The following ANO10 variants were observed in gnomAD, a reference collection of about 807,000 sequenced individuals.
ANO10 encodes the protein anoctamin-10.
In ANO10, 77 loss-of-function variants were observed where a neutral mutation model predicts 74.7. The observed-to-expected ratio is 1.03, with a 90% CI of 0.86 to 1.25. The LOEUF is 1.25. Among genes scored for constraint, ANO10 ranks in the 50% most tolerant of loss-of-function variants. ANO10 has a pLI of 0.00. For synonymous variants in ANO10, 279 were observed against 284.9 expected (o/e 0.98, Z 0.21); for missense variants, 721 against 778.1 (o/e 0.93, Z 0.87).
chr3:43,610,833 G>T (rs925252258), intron 1 of ANO10, among the ~76,000 whole-genome samples: 8 of 152,080 alleles, frequency 5.3e-5, no homozygotes, highest in African/African-American at 1.7e-4. Context: ...TATTTAATGG[G>T]CAATTAATAA....
At chr3:43,470,769 G>A (rs2075825800) in intron 11 of ANO10, among the ~76,000 whole-genome samples, 1 of 151,938 alleles carries the variant, frequency 6.6e-6, no homozygotes, top group Non-Finnish European at 1.5e-5. Context: ...TGAGAGTACA[G>A]CCGCATCTCA....
At chr3:43,398,775 T>C (rs1426370147) in intron 12 of ANO10, among the ~76,000 whole-genome samples, 2 of 152,190 alleles carry the variant, frequency 1.3e-5, no homozygotes, top group East Asian at 3.8e-4. Flanking sequence ...CCCTGAGAAT[T>C]TCCTAATCTC....
At chr3:43,691,436 C>T (rs1426480535) in intron 1 of ANO10, 1 of 162,576 alleles carries the variant, frequency 6.2e-6, no homozygotes. Flanking sequence ...GGTGCCCGGT[C>T]GACCCTGCAC....
At chr3:43,572,145 G>T (rs889881573) in intron 7 of ANO10, among the ~76,000 whole-genome samples, 8 of 152,200 alleles carry the variant, frequency 5.3e-5, no homozygotes, top group Non-Finnish European at 1.2e-4. Flanking sequence ...CACCCAGGTA[G>T]CCCAAGTAGG....
chr3:43,516,274 G>C (rs1177943319), intron 11 of ANO10, among the ~76,000 whole-genome samples: 2 of 152,158 alleles, frequency 1.3e-5, no homozygotes, highest in Non-Finnish European at 2.9e-5. Flanking sequence ...CTGAGGGAAA[G>C]GTGATGCCTG....
At chr3:43,531,602 A>G (rs1466638451) in intron 11 of ANO10, among the ~76,000 whole-genome samples, 1 of 152,202 alleles carries the variant, frequency 6.6e-6, no homozygotes, top group Non-Finnish European at 1.5e-5. Flanking sequence ...TAATTAAAGC[A>G]TAATCATGAG....
intron 1 of ANO10, among the ~76,000 whole-genome samples, chr3:43,677,327 T>G (rs2084136065): frequency 6.6e-6 from 1 of 152,138 alleles, no homozygotes; most frequent in Non-Finnish European, 1.5e-5. Flanking sequence ...GGTGGGCAGA[T>G]CTCCTGAGGT....
chr3:43,676,416 C>T (rs550675424), intron 1 of ANO10, among the ~76,000 whole-genome samples: 10 of 152,176 alleles, frequency 6.6e-5, no homozygotes, highest in Admixed American at 5.2e-4. Flanking sequence ...GCCAGGTTTG[C>T]ACCTGCACTC....
chr3:43,600,315 C>T, intron 3 of ANO10, 69 bp downstream of exon 3: 1 of 1,575,100 alleles, frequency 6.3e-7, no homozygotes, highest in Non-Finnish European at 8.7e-7. Flanking sequence ...TTGCTGATCC[C>T]TGATCTATTC....
At chr3:43,537,937 A>G (rs1463524559) in intron 11 of ANO10, among the ~76,000 whole-genome samples, 1 of 152,188 alleles carries the variant, frequency 6.6e-6, no homozygotes, top group Non-Finnish European at 1.5e-5. Context: ...AAAAGAAACT[A>G]AAGACCCTCT....
At chr3:43,580,960 T>A (rs2081238480) in intron 4 of ANO10, among the ~76,000 whole-genome samples, 1 of 152,190 alleles carries the variant, frequency 6.6e-6, no homozygotes. Context: ...TTCCCTTGTA[T>A]GAAATGCTGT....
At chr3:43,499,548 G>A (rs897229042) in intron 11 of ANO10, among the ~76,000 whole-genome samples, 3 of 151,906 alleles carry the variant, frequency 2.0e-5, no homozygotes. Context: ...GTGCTAGAGA[G>A]GAAGTTCAGA....
intron 1 of ANO10, among the ~76,000 whole-genome samples, chr3:43,633,104 TA>T (rs551575692): frequency 1.3e-5 from 2 of 152,134 alleles, no homozygotes; most frequent in Non-Finnish European, 1.5e-5. Flanking sequence ...TATTTTGAAA[TA>T]AAAAACGTAA....
intron 1 of ANO10, among the ~76,000 whole-genome samples, chr3:43,628,761 T>C (rs1434875608): frequency 6.6e-6 from 1 of 151,992 alleles, no homozygotes; most frequent in Non-Finnish European, 1.5e-5. Flanking sequence ...AGGGGTGAAA[T>C]AGACCCCAGT....
intron 12 of ANO10, among the ~76,000 whole-genome samples, chr3:43,431,217 C>T (rs1320661577): frequency 2.6e-5 from 4 of 151,744 alleles, no homozygotes; most frequent in Non-Finnish European, 5.9e-5. Flanking sequence ...TTACTACAAG[C>T]GTGCACCACC....
rs763751555 is a variant in ANO10, at chr3:43,432,633, G to A, written c.1892C>T (p.Ser631Phe). 4 of 1,613,438 alleles carry A rather than the reference G, an allele frequency of 2.5e-6. No homozygotes were observed. Among genetic ancestry groups the A allele is most frequent in the Admixed American group, 1.7e-5 (1 of 59,992 alleles). Residue 631 changes from serine (S) to phenylalanine (F), a missense_variant, in exon 12 of 13, where the codon TCT becomes TTT. Transcript: ENST00000292246. ...CACCTGCTGCTTGAGTGCCTCCAAAGACTCAAATTCCAGTCTGGCTAGTTT... is the reference window on the plus strand; with the variant it reads ...CACCTGCTGCTTGAGTGCCTCCAAAAACTCAAATTCCAGTCTGGCTAGTTT... ...QMKLARLEFE[S>F]LEALKQQQMK...
chr3:43,467,159 T>C (rs959304351), intron 11 of ANO10, among the ~76,000 whole-genome samples: 7 of 152,212 alleles, frequency 4.6e-5, no homozygotes, highest in Non-Finnish European at 8.8e-5. Context: ...TTATGTAAAA[T>C]GTTAAAACCA....
chr3:43,548,067 A>C (rs2079280883), intron 11 of ANO10, among the ~76,000 whole-genome samples: 1 of 152,292 alleles, frequency 6.6e-6, no homozygotes, highest in Non-Finnish European at 1.5e-5. Flanking sequence ...ATCTTCTAAT[A>C]ACCAATCCAC....
intron 1 of ANO10, among the ~76,000 whole-genome samples, chr3:43,633,528 C>T (rs1318312131): frequency 1.3e-5 from 2 of 152,112 alleles, no homozygotes; most frequent in African/African-American, 4.8e-5. Context: ...TAGAATAAAG[C>T]CATTGAAGTA....
Sources: allele counts gnomAD v4.1 joint callset (sites outside exome capture counted in the v4.1 genomes callset), GRCh38; gene constraint gnomAD v4.1.1; transcripts MANE v1.5; gene names NCBI Gene and HGNC (gene_info 2026-07-23, HGNC 2026-07-21).